RBFOX1: variants seen among roughly 807,000 people sequenced by gnomAD.
RBFOX1 encodes RNA binding protein fox-1 homolog 1.
Under a neutral mutation model 57.7 loss-of-function variants are expected in RBFOX1, and 8 were observed. The observed-to-expected ratio is 0.14, with a 90% confidence interval of 0.08 to 0.25. The LOEUF (loss-of-function observed/expected upper bound fraction) is 0.25, where lower values mean the gene tolerates loss of function less well. Ranked by LOEUF, RBFOX1 falls within the 10% of genes least tolerant of loss-of-function variation. The pLI is 1.00. For synonymous variants in RBFOX1, 326 were observed against 222.4 expected, an observed-to-expected ratio of 1.47 and a Z score of -4.15; for missense variants, 611 against 548.5, an observed-to-expected ratio of 1.11 and a Z score of -1.14.
At chr16:5,467,289 G>T in intron 2 of RBFOX1, 8 of 1,457,380 alleles carry the variant, frequency 5.5e-6, no homozygotes, top group Non-Finnish European at 7.4e-6. Flanking sequence ...TAGGATGTCT[G>T]TGAAGTCTAG....
chr16:7,138,569 C>A (rs972597444), intron 4 of RBFOX1, among the ~76,000 whole-genome samples: 2 of 152,170 alleles, frequency 1.3e-5, no homozygotes, highest in Non-Finnish European at 2.9e-5. Flanking sequence ...TAATTTTATC[C>A]TCATCCCCAC....
intron 2 of RBFOX1, among the ~76,000 whole-genome samples, chr16:6,503,588 T>C (rs2096002678): frequency 6.6e-6 from 1 of 152,160 alleles, no homozygotes; most frequent in South Asian, 2.1e-4. Flanking sequence ...AGTTTTCTTA[T>C]TTGTGGCCTT....
chr16:5,614,132 C>T (rs1200165570), intron 3 of RBFOX1, among the ~76,000 whole-genome samples: 1 of 152,104 alleles, frequency 6.6e-6, no homozygotes, highest in African/African-American at 2.4e-5. Context: ...TCTTAGACTC[C>T]CTCTAGGTTG....
chr16:5,713,850 C>T (rs558994401), intron 3 of RBFOX1, among the ~76,000 whole-genome samples: 1 of 152,154 alleles, frequency 6.6e-6, no homozygotes, highest in African/African-American at 2.4e-5. Context: ...TACAAAGACT[C>T]GATCTGCAGT....
intron 4 of RBFOX1, among the ~76,000 whole-genome samples, chr16:7,271,481 G>T (rs766878847): frequency 2.6e-5 from 4 of 151,686 alleles, no homozygotes; most frequent in Admixed American, 6.6e-5. Flanking sequence ...CAGTTTCTTT[G>T]TATCACTTGG....
At chr16:6,681,108 C>G (rs546030502) in intron 3 of RBFOX1, among the ~76,000 whole-genome samples, 2 of 151,994 alleles carry the variant, frequency 1.3e-5, no homozygotes, top group Non-Finnish European at 2.9e-5. Context: ...GTCAGGAGTT[C>G]GAGACCATCC....
At chr16:5,874,828 T>C (rs1220897745) in intron 4 of RBFOX1, among the ~76,000 whole-genome samples, 1 of 152,030 alleles carries the variant, frequency 6.6e-6, no homozygotes, top group Non-Finnish European at 1.5e-5. Flanking sequence ...ACCTGTAATC[T>C]TGGCTGCTCA....
intron 3 of RBFOX1, among the ~76,000 whole-genome samples, chr16:5,781,132 G>T (rs1169759168): frequency 1.3e-5 from 2 of 152,122 alleles, no homozygotes; most frequent in Non-Finnish European, 2.9e-5. Context: ...ATAACCTGCC[G>T]AACAGTCACC....
At chr16:7,162,224 C>G (rs2078474257) in intron 4 of RBFOX1, among the ~76,000 whole-genome samples, 1 of 152,148 alleles carries the variant, frequency 6.6e-6, no homozygotes, top group African/African-American at 2.4e-5. Flanking sequence ...AAAATATTAT[C>G]TACAATTTAT....
intron 2 of RBFOX1, among the ~76,000 whole-genome samples, chr16:6,447,169 C>T (rs1223378482): frequency 1.3e-5 from 2 of 152,112 alleles, no homozygotes; most frequent in East Asian, 1.9e-4. Context: ...TCAAGCGTTG[C>T]ATTATGTACA....
intron 4 of RBFOX1, among the ~76,000 whole-genome samples, chr16:7,266,350 G>A (rs2095142169): frequency 1.3e-5 from 2 of 152,144 alleles, no homozygotes; most frequent in East Asian, 1.9e-4. Flanking sequence ...CTTTGGTCAC[G>A]TGATGCTTCT....
At chr16:6,085,332 G>T (rs2096068076) in intron 1 of RBFOX1, among the ~76,000 whole-genome samples, 1 of 152,212 alleles carries the variant, frequency 6.6e-6, no homozygotes, top group Non-Finnish European at 1.5e-5. Context: ...AAGTGCAGTG[G>T]TACGATCTTG....
At chr16:5,874,659 G>C (rs142819423) in intron 4 of RBFOX1, among the ~76,000 whole-genome samples, 1,559 of 152,282 alleles carry the variant, frequency 0.01, 10 homozygotes, top group Non-Finnish European at 0.015. Context: ...AGAATAAGGA[G>C]AGCAGCTGGG....
intron 3 of RBFOX1, among the ~76,000 whole-genome samples, chr16:7,044,813 A>C (rs369918843): frequency 6.6e-6 from 1 of 152,166 alleles, no homozygotes; most frequent in Non-Finnish European, 1.5e-5. Flanking sequence ...GTCTTTCTTC[A>C]TCACAGACTG....
intron 3 of RBFOX1, chr16:5,867,153 T>C (rs921488140): frequency 4.8e-5 from 18 of 378,876 alleles, no homozygotes; most frequent in Non-Finnish European, 7.3e-5. Context: ...AAAATGCATG[T>C]GTGTGTGTGT....
intron 11 of RBFOX1, among the ~76,000 whole-genome samples, chr16:7,652,542 G>C (rs1459708072): frequency 6.6e-6 from 1 of 152,150 alleles, no homozygotes; most frequent in Non-Finnish European, 1.5e-5. Flanking sequence ...CAAGTAGCGG[G>C]AATTATAGGC....
At chr16:7,075,028 G>A (rs1413894032) in intron 4 of RBFOX1, among the ~76,000 whole-genome samples, 1 of 152,102 alleles carries the variant, frequency 6.6e-6, no homozygotes, top group Non-Finnish European at 1.5e-5. Flanking sequence ...GAAAAAAGGG[G>A]CAAAGGAACT....
chr16:7,522,121 G>A (rs2077642436), intron 5 of RBFOX1, among the ~76,000 whole-genome samples: 1 of 152,154 alleles, frequency 6.6e-6, no homozygotes, highest in Non-Finnish European at 1.5e-5. Flanking sequence ...CAAATACATG[G>A]AATGAAGACC....
intron 2 of RBFOX1, among the ~76,000 whole-genome samples, chr16:6,396,569 A>C (rs538835535): frequency 6.6e-6 from 1 of 152,306 alleles, no homozygotes; most frequent in East Asian, 1.9e-4. Flanking sequence ...GAAAGAACCG[A>C]GTGGATACTC....
Sources: allele counts gnomAD v4.1 joint callset (sites outside exome capture counted in the v4.1 genomes callset), GRCh38; gene constraint gnomAD v4.1.1; transcripts MANE v1.5; gene names NCBI Gene and HGNC (gene_info 2026-07-23, HGNC 2026-07-21).